Variants in ALK observed in about 807,000 individuals in gnomAD.
The protein encoded by ALK is ALK tyrosine kinase receptor.
In ALK, 74 loss-of-function variants were observed where a neutral mutation model predicts 163.1. That is an observed-to-expected ratio of 0.45 (90% CI 0.38 to 0.55). The LOEUF (loss-of-function observed/expected upper bound fraction) is 0.55, where lower values mean the gene tolerates loss of function less well. ALK is among the 20% of genes least tolerant of loss of function. The probability of loss-of-function intolerance (pLI) is 0.00; values close to 1 mark genes in which losing one functional copy is unlikely to be tolerated. For missense variants in ALK, 2,063 were observed against 2,105.3 expected (o/e 0.98, Z 0.39); for synonymous variants, 960 against 843.2 (o/e 1.14, Z -2.40).
intron 3 of ALK, among the ~76,000 whole-genome samples, chr2:29,641,411 C>T (rs1039162898): frequency 6.6e-6 from 1 of 152,042 alleles, no homozygotes; most frequent in Non-Finnish European, 1.5e-5. Context: ...AATCCAATTG[C>T]CTGCAAGTGA....
At chr2:29,453,588 G>A (rs1670877627) in intron 4 of ALK, among the ~76,000 whole-genome samples, 1 of 152,036 alleles carries the variant, frequency 6.6e-6, no homozygotes, top group South Asian at 2.1e-4. Flanking sequence ...TTGAGGGCAA[G>A]GGCTTATCTG....
intron 3 of ALK, among the ~76,000 whole-genome samples, chr2:29,574,278 G>C (rs191275328): frequency 6.6e-6 from 1 of 152,272 alleles, no homozygotes; most frequent in East Asian, 1.9e-4. Flanking sequence ...GCTGAGCAGG[G>C]CCATGACACC....
At chr2:29,661,875 T>A (rs1475146438) in intron 3 of ALK, among the ~76,000 whole-genome samples, 3 of 152,144 alleles carry the variant, frequency 2.0e-5, no homozygotes, top group Non-Finnish European at 2.9e-5. Context: ...TTATGGAGTA[T>A]CATACTGTGT....
chr2:29,756,227 C>A (rs1680523406), intron 1 of ALK, among the ~76,000 whole-genome samples: 1 of 152,242 alleles, frequency 6.6e-6, no homozygotes, highest in Non-Finnish European at 1.5e-5. Context: ...CTTCATGGCT[C>A]AGCTCAAAAG....
chr2:29,601,769 G>T (rs2148214787), intron 3 of ALK, among the ~76,000 whole-genome samples: 1 of 152,248 alleles, frequency 6.6e-6, no homozygotes, highest in South Asian at 2.1e-4. Flanking sequence ...AACAGCACCT[G>T]GGCAGATTCA....
chr2:29,239,139 C>T (rs1488978034), intron 13 of ALK, among the ~76,000 whole-genome samples: 1 of 152,166 alleles, frequency 6.6e-6, no homozygotes, highest in African/African-American at 2.4e-5. Context: ...TGTCGTTTCA[C>T]CTTAACCCCG....
chr2:29,578,060 G>T (rs550567930), intron 3 of ALK, among the ~76,000 whole-genome samples: 1 of 152,116 alleles, frequency 6.6e-6, no homozygotes, highest in African/African-American at 2.4e-5. Context: ...CACCCAAATC[G>T]CATCTTGAAT....
At chr2:29,434,093 G>A (rs1196976961) in intron 4 of ALK, among the ~76,000 whole-genome samples, 1 of 152,084 alleles carries the variant, frequency 6.6e-6, no homozygotes, top group Non-Finnish European at 1.5e-5. Flanking sequence ...TATACAGGAT[G>A]CTTTCCATAT....
intron 4 of ALK, among the ~76,000 whole-genome samples, chr2:29,457,851 T>C (rs1223526878): frequency 6.6e-6 from 1 of 152,028 alleles, no homozygotes; most frequent in Non-Finnish European, 1.5e-5. Flanking sequence ...TTTAGAGAGG[T>C]TAGGTGCCTT....
intron 8 of ALK, among the ~76,000 whole-genome samples, chr2:29,302,351 C>T (rs1666395630): frequency 6.6e-6 from 1 of 152,142 alleles, no homozygotes; most frequent in African/African-American, 2.4e-5. Context: ...AACCCTGCCT[C>T]TACTGAAAAT....
At chr2:29,367,398 T>C (rs1217685826) in intron 5 of ALK, among the ~76,000 whole-genome samples, 2 of 152,204 alleles carry the variant, frequency 1.3e-5, no homozygotes, top group Non-Finnish European at 2.9e-5. Flanking sequence ...ATAATGTCTT[T>C]GGGATTCAAT....
chr2:29,550,026 T>C (rs999834771), intron 3 of ALK, among the ~76,000 whole-genome samples: 10 of 152,190 alleles, frequency 6.6e-5, no homozygotes, highest in African/African-American at 2.4e-4. Flanking sequence ...TACAAATCTA[T>C]GGCTCTTCCC....
intron 9 of ALK, among the ~76,000 whole-genome samples, chr2:29,292,448 C>G (rs1666058042): frequency 6.6e-6 from 1 of 152,130 alleles, no homozygotes; most frequent in Non-Finnish European, 1.5e-5. Flanking sequence ...GGAGAGAGAA[C>G]TTGCCTTTCT....
intron 1 of ALK, among the ~76,000 whole-genome samples, chr2:29,892,902 T>A (rs1049094003): frequency 9.2e-5 from 14 of 152,348 alleles, no homozygotes; most frequent in Non-Finnish European, 1.3e-4. Context: ...TCCATTTTTT[T>A]AAAACATGCT....
At chr2:29,804,213 T>C (rs1367135090) in intron 1 of ALK, among the ~76,000 whole-genome samples, 1 of 152,254 alleles carries the variant, frequency 6.6e-6, no homozygotes, top group African/African-American at 2.4e-5. Context: ...TGTAAAGATA[T>C]GTTTCCAAGT....
chr2:29,667,694 T>C (rs1289296681), intron 3 of ALK, among the ~76,000 whole-genome samples: 1 of 152,122 alleles, frequency 6.6e-6, no homozygotes, highest in Admixed American at 6.6e-5. Context: ...GATTTGCCTA[T>C]ATTTTGTTGA....
intron 6 of ALK, among the ~76,000 whole-genome samples, chr2:29,323,456 A>T (rs1186054245): frequency 6.6e-6 from 1 of 152,216 alleles, no homozygotes; most frequent in Non-Finnish European, 1.5e-5. Flanking sequence ...TTCTTGTTTC[A>T]GCTTGGCATA....
chr2:29,307,207 T>G (rs951157493), intron 8 of ALK, among the ~76,000 whole-genome samples: 3 of 152,226 alleles, frequency 2.0e-5, no homozygotes, highest in Admixed American at 2.0e-4. Flanking sequence ...TTCAAAAGCC[T>G]GCAGTGATCA....
chr2:29,378,596 T>A (rs1218245963), intron 5 of ALK, among the ~76,000 whole-genome samples: 1 of 152,170 alleles, frequency 6.6e-6, no homozygotes, highest in African/African-American at 2.4e-5. Flanking sequence ...TTGAATGAGT[T>A]AATATATGTA....
Sources: gnomAD v4.1 joint callset for allele counts (sites outside exome capture counted in the v4.1 genomes callset) on GRCh38, gnomAD v4.1.1 for gene constraint, MANE v1.5 for transcripts, NCBI Gene and HGNC (gene_info 2026-07-23, HGNC 2026-07-21) for gene names.